Variants in TIAM1 observed in about 807,000 individuals in gnomAD.
The protein encoded by TIAM1 is TIAM Rac1 associated GEF 1.
A neutral mutation model predicts 163.5 loss-of-function variants in TIAM1; 65 were observed. The observed-to-expected ratio is 0.40, with a 90% CI of 0.33 to 0.49. The LOEUF is 0.49. TIAM1 is among the 20% of genes least tolerant of loss of function. The pLI, the probability that TIAM1 is intolerant of heterozygous loss-of-function variation, is 0.77. For synonymous variants in TIAM1, 833 were observed against 810.1 expected (o/e 1.03, Z -0.48); for missense variants, 1,789 against 2,044.7 (o/e 0.87, Z 2.41).
intron 2 of TIAM1, among the ~76,000 whole-genome samples, chr21:31,362,637 T>C (rs2076427856): frequency 6.6e-6 from 1 of 151,662 alleles, no homozygotes; most frequent in African/African-American, 2.4e-5. Flanking sequence ...CGGCTAATTT[T>C]TGTATTTTTA....
At chr21:31,179,066 G>A (rs113058254) in intron 15 of TIAM1, among the ~76,000 whole-genome samples, 1 of 151,318 alleles carries the variant, frequency 6.6e-6, no homozygotes, top group Non-Finnish European at 1.5e-5. Context: ...GATTTTTGAT[G>A]ATTGTAAAAC....
At chr21:31,515,654 C>A (rs1381877919) in intron 1 of TIAM1, among the ~76,000 whole-genome samples, 1 of 152,172 alleles carries the variant, frequency 6.6e-6, no homozygotes, top group East Asian at 1.9e-4. Context: ...GAACCTCCAC[C>A]ACCATCTTCA....
At chr21:31,154,059 C>T (rs1234832678) in intron 17 of TIAM1, among the ~76,000 whole-genome samples, 188 bp downstream of exon 17, 2 of 149,768 alleles carry the variant, frequency 1.3e-5, no homozygotes, top group Admixed American at 1.3e-4. Context: ...GTGAGACTAT[C>T]TTAAAAAAAC....
chr21:31,478,262 T>C lies in TIAM1; in HGVS notation c.-421-14227A>G, dbSNP rs369201262. 6.8e-4 allele frequency among the ~76,000 whole-genome samples: 103 copies of C among 152,322 alleles called. 4 individuals are homozygous for C. The South Asian group carries it at 0.02, about 30-fold the overall frequency. On this transcript the variant is annotated intron_variant, in intron 1 of 28. Coordinates refer to the TIAM1 transcript ENST00000286827. ...ATGGCAAATTGCCTTAAAAGGACAATAGAAAGTTTGTCATCCATTCCCAGA... is the reference window on the plus strand; with the variant it reads ...ATGGCAAATTGCCTTAAAAGGACAACAGAAAGTTTGTCATCCATTCCCAGA...
chr21:31,390,150 T>C lies in TIAM1; in HGVS notation c.-368-50728A>G, dbSNP rs147804692. Among the ~76,000 whole-genome samples, 810 of 152,330 alleles carry C rather than the reference T, an allele frequency of 5.3e-3. 7 individuals carry two copies. The highest frequency in any genetic ancestry group is 0.015 in the African/African-American group (638 of 41,570). On this transcript the variant is annotated intron_variant, in intron 2 of 28. Transcript: ENST00000286827. ...TACTCATTCCTCAGTACCCACTTTG[T>C]GGATGCAGTATTATGGACATAATGT...
intron 26 of TIAM1, among the ~76,000 whole-genome samples, chr21:31,125,764 G>C (rs879614072): frequency 1.3e-5 from 2 of 152,110 alleles, no homozygotes; most frequent in Non-Finnish European, 2.9e-5. Flanking sequence ...TAGTGGAGAC[G>C]GGGCTTTGCC....
chr21:31,207,949 C>T (rs1342135328), intron 11 of TIAM1, among the ~76,000 whole-genome samples: 1 of 152,144 alleles, frequency 6.6e-6, no homozygotes, highest in Non-Finnish European at 1.5e-5. Flanking sequence ...ATTTCTATGT[C>T]TTGGGAAAAA....
At chr21:31,174,642 C>A (rs144413332) in intron 15 of TIAM1, among the ~76,000 whole-genome samples, 1 of 152,222 alleles carries the variant, frequency 6.6e-6, no homozygotes, top group East Asian at 1.9e-4. Flanking sequence ...AAATTGTTAC[C>A]TTTTTTCTCT....
chr21:31,210,727 A>AG lies in TIAM1; in HGVS notation c.2218-513_2218-512insC, dbSNP rs2086800790. ...AAAGAGAAAGAAAGAGAAAGAAAGAAAGAGAAAGAAGGAAGGAAGGGAGAA... is the reference window on the plus strand; with the variant it reads ...AAAGAGAAAGAAAGAGAAAGAAAGAAGAGAGAAAGAAGGAAGGAAGGGAGAA... On this transcript the variant is annotated intron_variant, in intron 10 of 27. Transcript: ENST00000541036. 3.7e-5 allele frequency among the ~76,000 whole-genome samples: 4 copies of AG among 109,354 alleles called. No homozygotes were observed. The East Asian group carries it at 9.5e-4, about 26-fold the overall frequency. 71.7% of individuals were successfully genotyped at this position (109,354 alleles called of 152,430 possible).
At chr21:31,328,377 A>T (rs1001335472) in intron 2 of TIAM1, among the ~76,000 whole-genome samples, 1 of 151,972 alleles carries the variant, frequency 6.6e-6, no homozygotes, top group African/African-American at 2.4e-5. Flanking sequence ...TACATATTTT[A>T]TTTTATTTTT....
chr21:31,170,223 C>T (rs1231710181), intron 15 of TIAM1, among the ~76,000 whole-genome samples: 6 of 152,194 alleles, frequency 3.9e-5, no homozygotes, highest in Non-Finnish European at 7.4e-5. Context: ...CTATATTAGG[C>T]AAACATAAAG....
chr21:31,327,176 C>A (rs1345563044), intron 2 of TIAM1, among the ~76,000 whole-genome samples: 1 of 152,138 alleles, frequency 6.6e-6, no homozygotes, highest in East Asian at 1.9e-4. Flanking sequence ...CAACACAGAG[C>A]ATGTGCAGGG....
chr21:31,466,172 T>C (rs980194412), intron 1 of TIAM1, among the ~76,000 whole-genome samples: 8 of 152,146 alleles, frequency 5.3e-5, no homozygotes, highest in Non-Finnish European at 8.8e-5. Context: ...GGTGTCAAGG[T>C]CATTGCAATA....
chr21:31,244,430 A>G (rs2146714491), intron 6 of TIAM1, among the ~76,000 whole-genome samples: 1 of 152,338 alleles, frequency 6.6e-6, no homozygotes, highest in South Asian at 2.1e-4. Context: ...CACTTTTAAG[A>G]AGACGAACTG....
chr21:31,494,059 C>A (rs138622229), intron 1 of TIAM1, among the ~76,000 whole-genome samples: 18,552 of 152,122 alleles, frequency 0.12, 1,652 homozygotes, highest in African/African-American at 0.23. Flanking sequence ...GGATTACAGG[C>A]ATGTGCCACT....
intron 25 of TIAM1, 150 bp downstream of exon 25, chr21:31,130,063 G>C: frequency 1.7e-6 from 1 of 601,908 alleles, no homozygotes; most frequent in Non-Finnish European, 2.9e-6. Context: ...AGAGGCAATA[G>C]AGAGACCGAG....
intron 4 of TIAM1, among the ~76,000 whole-genome samples, chr21:31,264,675 A>AC (rs1042661721): frequency 6.6e-6 from 1 of 152,178 alleles, no homozygotes; most frequent in African/African-American, 2.4e-5. Flanking sequence ...GGCTTCCCCT[A>AC]CATCCTCCAT....
intron 4 of TIAM1, among the ~76,000 whole-genome samples, chr21:31,260,101 A>AT (rs2072369971): frequency 7.1e-6 from 1 of 140,410 alleles, no homozygotes; most frequent in South Asian, 2.2e-4. Context: ...TGGCCAGCTA[A>AT]TTTTTCCTTT....
intron 25 of TIAM1, among the ~76,000 whole-genome samples, 163 bp downstream of exon 25, chr21:31,130,050 A>T (rs2082347789): frequency 6.6e-6 from 1 of 151,916 alleles, no homozygotes; most frequent in African/African-American, 2.4e-5. Flanking sequence ...GGCTGGGTAA[A>T]TAAGAGGCAA....
Sources: gnomAD v4.1 joint callset for allele counts (sites outside exome capture counted in the v4.1 genomes callset) on GRCh38, gnomAD v4.1.1 for gene constraint, MANE v1.5 for transcripts, NCBI Gene and HGNC (gene_info 2026-07-23, HGNC 2026-07-21) for gene names.